SOX5: variants seen among roughly 807,000 people sequenced by gnomAD.
The protein encoded by SOX5 is SRY-box transcription factor 5, also known as transcription factor SOX-5.
In SOX5, 9 loss-of-function variants were observed where a neutral mutation model predicts 92.0. That is an observed-to-expected ratio of 0.10 (90% CI 0.06 to 0.17). The LOEUF (loss-of-function observed/expected upper bound fraction) is 0.17. Among genes scored for constraint, SOX5 ranks in the 10% least tolerant of loss-of-function variants. The pLI, the probability that SOX5 is intolerant of heterozygous loss-of-function variation, is 1.00. For synonymous variants in SOX5, 344 were observed against 336.3 expected (o/e 1.02, Z -0.25); for missense variants, 642 against 944.5 (o/e 0.68, Z 4.20).
intron 1 of SOX5, among the ~76,000 whole-genome samples, chr12:23,922,606 C>T (rs1938637578): frequency 6.6e-6 from 1 of 152,174 alleles, no homozygotes; most frequent in African/African-American, 2.4e-5. Flanking sequence ...GACGCTATTA[C>T]AGAGAAAATG....
chr12:24,327,131 A>T (rs1381192013), intron 2 of SOX5, among the ~76,000 whole-genome samples: 1 of 152,204 alleles, frequency 6.6e-6, no homozygotes, highest in African/African-American at 2.4e-5. Flanking sequence ...TTTAAAAATT[A>T]CGTGATGATT....
chr12:24,072,481 T>G (rs974681063), intron 4 of SOX5, among the ~76,000 whole-genome samples: 2 of 152,196 alleles, frequency 1.3e-5, no homozygotes, highest in Non-Finnish European at 2.9e-5. Flanking sequence ...ACTTGAGACC[T>G]GTTTAGAAGT....
chr12:23,580,389 A>T (rs1470578652), intron 9 of SOX5, among the ~76,000 whole-genome samples: 2 of 152,070 alleles, frequency 1.3e-5, no homozygotes, highest in Non-Finnish European at 2.9e-5. Context: ...AAAATGATGT[A>T]ATACAAACAT....
chr12:23,694,540 A>T (rs1020015504), intron 6 of SOX5, among the ~76,000 whole-genome samples: 3 of 152,124 alleles, frequency 2.0e-5, no homozygotes, highest in Admixed American at 1.3e-4. Context: ...TCAAAATAAA[A>T]TTTTTTGGAG....
intron 1 of SOX5, among the ~76,000 whole-genome samples, chr12:24,402,342 A>C (rs1465152496): frequency 1.3e-5 from 2 of 152,238 alleles, no homozygotes; most frequent in Non-Finnish European, 2.9e-5. Context: ...AAGATGTTCC[A>C]TAAAATGTTA....
chr12:23,938,752 T>C (rs138015048), intron 1 of SOX5, among the ~76,000 whole-genome samples: 174 of 151,126 alleles, frequency 1.2e-3, no homozygotes, highest in African/African-American at 3.6e-3. Flanking sequence ...ACTAAGCAGT[T>C]AGAGGAAACT....
intron 2 of SOX5, among the ~76,000 whole-genome samples, chr12:24,319,911 T>C (rs746520480): frequency 1.3e-4 from 20 of 152,210 alleles, no homozygotes; most frequent in Non-Finnish European, 2.6e-4. Flanking sequence ...ATCAGCCCCA[T>C]TCCTGACAAA....
intron 3 of SOX5, chr12:23,762,563 T>C (rs1265478265): frequency 5.3e-6 from 3 of 561,324 alleles, no homozygotes; most frequent in East Asian, 6.1e-5. Flanking sequence ...ATTGCCAAAA[T>C]ACTTGTTTGT....
chr12:24,372,948 T>C lies in SOX5; in HGVS notation c.-250-4309A>G, dbSNP rs143964316. 1.9e-3 allele frequency among the ~76,000 whole-genome samples: 143 copies of C among 76,368 alleles called. 2 individuals carry two copies. In the East Asian group the frequency reaches 0.042, roughly 23 times the overall value. The allele number at this position is 76,368 out of a possible 152,430, so 50.1% of individuals were successfully genotyped here. ...GGGAAAAATGGCAAAACCCCATCTCTACCAAAAAAAAAAAAAAAAAACTGC... is the reference window on the plus strand; with the variant it reads ...GGGAAAAATGGCAAAACCCCATCTCCACCAAAAAAAAAAAAAAAAAACTGC... On this transcript the variant is annotated intron_variant, in intron 1 of 4. Coordinates refer to the SOX5 transcript ENST00000446891.
At chr12:24,519,892 G>A (rs1043495852) in intron 1 of SOX5, among the ~76,000 whole-genome samples, 4 of 152,022 alleles carry the variant, frequency 2.6e-5, no homozygotes, top group Non-Finnish European at 4.4e-5. Context: ...CAATCAAATT[G>A]TCATAAGGCA....
chr12:23,992,187 C>T (rs1950622790), intron 4 of SOX5, among the ~76,000 whole-genome samples: 1 of 149,560 alleles, frequency 6.7e-6, no homozygotes, highest in Admixed American at 6.6e-5. Flanking sequence ...TTTGGTCTGG[C>T]AACACCCTTA....
At chr12:23,762,409 C>A in intron 3 of SOX5, 1 of 379,534 alleles carries the variant, frequency 2.6e-6, no homozygotes, top group Non-Finnish European at 4.7e-6. Context: ...ATTCCCCCCT[C>A]TAAAAAATTC....
intron 3 of SOX5, among the ~76,000 whole-genome samples, chr12:24,251,024 A>T (rs1939930553): frequency 6.6e-6 from 1 of 152,262 alleles, no homozygotes; most frequent in Non-Finnish European, 1.5e-5. Flanking sequence ...GTAAAGACCA[A>T]CATCCAAGAC....
At chr12:23,626,222 G>C (rs371219056) in intron 8 of SOX5, among the ~76,000 whole-genome samples, 3 of 152,014 alleles carry the variant, frequency 2.0e-5, no homozygotes, top group Admixed American at 2.0e-4. Flanking sequence ...AAAGTATATG[G>C]TGTCCATCTA....
intron 3 of SOX5, among the ~76,000 whole-genome samples, chr12:23,828,656 T>C (rs2096269187): frequency 6.6e-6 from 1 of 152,128 alleles, no homozygotes; most frequent in African/African-American, 2.4e-5. Flanking sequence ...ATGCAGTTAT[T>C]ATATCATACA....
intron 4 of SOX5, among the ~76,000 whole-genome samples, chr12:23,979,962 C>CAGAT (rs199749250): frequency 8.1e-5 from 11 of 135,538 alleles, no homozygotes; most frequent in Non-Finnish European, 1.5e-4. Flanking sequence ...GACAGACAGA[C>CAGAT]AGATAGATAG....
chr12:24,228,550 G>A (rs1336843822), intron 3 of SOX5, among the ~76,000 whole-genome samples: 1 of 151,934 alleles, frequency 6.6e-6, no homozygotes, highest in African/African-American at 2.4e-5. Context: ...CACACACACT[G>A]GCAGCCGCTA....
intron 4 of SOX5, among the ~76,000 whole-genome samples, chr12:24,095,884 G>A (rs1189283456): frequency 6.6e-6 from 1 of 152,114 alleles, no homozygotes; most frequent in Non-Finnish European, 1.5e-5. Flanking sequence ...TGCCATGATT[G>A]TAAGTTTCCT....
intron 4 of SOX5, among the ~76,000 whole-genome samples, chr12:23,964,311 C>A (rs1475363409): frequency 1.3e-5 from 2 of 152,086 alleles, no homozygotes; most frequent in African/African-American, 4.8e-5. Flanking sequence ...TCCCTATATA[C>A]TATATTACTG....
Sources: gnomAD v4.1 joint callset for allele counts (sites outside exome capture counted in the v4.1 genomes callset) on GRCh38, gnomAD v4.1.1 for gene constraint, MANE v1.5 for transcripts, NCBI Gene and HGNC (gene_info 2026-07-23, HGNC 2026-07-21) for gene names.